Variants in AHCYL2 observed in about 807,000 individuals in gnomAD.
AHCYL2 encodes the protein S-adenosylhomocysteine hydrolase-like protein 2.
A neutral mutation model predicts 81.4 loss-of-function variants in AHCYL2; 28 were observed. The observed-to-expected ratio is 0.34, with a 90% CI of 0.25 to 0.47. The LOEUF is 0.47. AHCYL2 is among the 20% of genes least tolerant of loss of function. The probability of loss-of-function intolerance (pLI) is 1.00; values close to 1 mark genes in which losing one functional copy is unlikely to be tolerated. For synonymous variants in AHCYL2, 272 were observed against 290.2 expected, an observed-to-expected ratio of 0.94 and a Z score of 0.64; for missense variants, 551 against 785.1, an observed-to-expected ratio of 0.70 and a Z score of 3.56.
rs116892104 is a variant in AHCYL2, at chr7:129,387,420, C to T, written c.476-1636C>T. On this transcript the variant is annotated intron_variant, in intron 2 of 16. Transcript: ENST00000325006. Reference sequence around the variant, plus strand: ...ATACACCCAAAAACAGAGACTGAGACTTAAACCAAAGACTGACTCCAGAAC... The same window carrying T: ...ATACACCCAAAAACAGAGACTGAGATTTAAACCAAAGACTGACTCCAGAAC... Among the ~76,000 whole-genome samples the T allele has an allele frequency of 9.2e-3, 1,396 of 152,328 alleles. 14 individuals are homozygous for T. The highest frequency in any genetic ancestry group is 0.016 in the Non-Finnish European group (1,066 of 68,026).
intron 1 of AHCYL2, among the ~76,000 whole-genome samples, chr7:129,256,635 TTATG>T (rs1288048893): frequency 6.7e-6 from 1 of 149,716 alleles, no homozygotes; most frequent in Admixed American, 6.8e-5. Context: ...GTACCATAAT[TTATG>T]TAACCAGTTT....
intron 1 of AHCYL2, among the ~76,000 whole-genome samples, chr7:129,262,218 G>A (rs191154125): frequency 3.3e-5 from 5 of 152,270 alleles, no homozygotes; most frequent in Admixed American, 3.3e-4. Context: ...AGCAAGAGCC[G>A]CTGGCCAGGA....
At chr7:129,247,374 ATGAC>A (rs1795098797) in intron 1 of AHCYL2, among the ~76,000 whole-genome samples, 1 of 152,224 alleles carries the variant, frequency 6.6e-6, no homozygotes, top group Non-Finnish European at 1.5e-5. Context: ...TTTTGCTAAA[ATGAC>A]TGTTTACATC....
chr7:129,357,264 G>T (rs1017710928), intron 1 of AHCYL2, among the ~76,000 whole-genome samples: 1 of 152,138 alleles, frequency 6.6e-6, no homozygotes, highest in Non-Finnish European at 1.5e-5. Flanking sequence ...TTAGTTAATA[G>T]TTAATAGTAT....
intron 1 of AHCYL2, among the ~76,000 whole-genome samples, chr7:129,375,230 T>C (rs575717878): frequency 5.1e-4 from 78 of 152,148 alleles, no homozygotes; most frequent in Non-Finnish European, 2.9e-5. Context: ...ACTGAGAAAA[T>C]TGATTTCCTT....
intron 1 of AHCYL2, among the ~76,000 whole-genome samples, chr7:129,305,547 C>G (rs1797410353): frequency 6.6e-6 from 1 of 151,980 alleles, no homozygotes; most frequent in Non-Finnish European, 1.5e-5. Context: ...CTATTTATAT[C>G]TTATTGTACT....
In AHCYL2 at chr7:129,263,601, A is replaced by G. The variant is rs116868236; in HGVS notation, c.363+38162A>G. Among the ~76,000 whole-genome samples, 767 of 152,306 alleles carry G rather than the reference A, an allele frequency of 5.0e-3. 5 individuals carry two copies. The highest frequency in any genetic ancestry group is 9.4e-3 in the Non-Finnish European group (641 of 68,020). On this transcript the variant is annotated intron_variant, in intron 1 of 16. Transcript: ENST00000325006. ...TAGGCAGAGAAACGAGAGACAAGAA[A>G]ATGTCCTGGCAGCTTTAATTTGTTT... is the stretch of plus-strand genomic sequence containing the variant.
chr7:129,424,912 A>C lies in AHCYL2; in HGVS notation c.1599A>C (p.Thr533=). Residue 533 remains threonine (T), a synonymous_variant, in exon 14 of 17, where the codon ACA becomes ACC. Coordinates refer to ENST00000325006, the MANE Select transcript of AHCYL2 (RefSeq NM_015328.4). ...LLNLSCSTVP[T]FVLSITATTQ... ...ACCTTAGCTGCTCCACAGTGCCTAC[A>C]TTTGTGCTCTCAATCACTGCTACTA... The C allele has an allele frequency of 6.2e-7, 1 of 1,613,626 alleles. No homozygotes were observed. Among genetic ancestry groups the C allele is most frequent in the Non-Finnish European group, 8.5e-7 (1 of 1,179,994 alleles).
intron 1 of AHCYL2, among the ~76,000 whole-genome samples, chr7:129,246,476 A>C (rs1795061788): frequency 6.6e-6 from 1 of 152,076 alleles, no homozygotes; most frequent in Non-Finnish European, 1.5e-5. Context: ...GCCCCAGGTA[A>C]CTACTGATCA....
chr7:129,340,064 G>A (rs1419216499), intron 1 of AHCYL2, among the ~76,000 whole-genome samples: 3 of 150,526 alleles, frequency 2.0e-5, no homozygotes, highest in South Asian at 2.1e-4. Context: ...GACTACAGGC[G>A]CACTCCGCCA....
intron 1 of AHCYL2, among the ~76,000 whole-genome samples, chr7:129,269,982 T>G (rs1563174269): frequency 6.6e-6 from 1 of 152,236 alleles, no homozygotes; most frequent in Non-Finnish European, 1.5e-5. Context: ...ACTTTCTAGC[T>G]AAAGTGTTTA....
intron 11 of AHCYL2, chr7:129,409,984 T>G (rs560749963): frequency 1.6e-6 from 1 of 624,018 alleles, no homozygotes; most frequent in African/African-American, 1.9e-5. Flanking sequence ...AGTAATCTCA[T>G]GCAGAAGATT....
In AHCYL2 at chr7:129,370,440, T is replaced by TA. The variant is rs1156394919; in HGVS notation, c.364-9196dup. Among the ~76,000 whole-genome samples, 12 of 152,284 alleles carry TA rather than the reference T, an allele frequency of 7.9e-5. 1 individual carries two copies. Among genetic ancestry groups the TA allele is most frequent in the African/African-American group, 2.9e-4 (12 of 41,562 alleles). On this transcript the variant is annotated intron_variant, in intron 1 of 16. Coordinates refer to ENST00000325006, the MANE Select transcript of AHCYL2 (RefSeq NM_015328.4). ...AGCCGGGTGCGGTGGCTCACGCCTG[T>TA]AATCCCAGCACTTTGGGGGAGGCCA...
At position 129,281,689 on chromosome 7, in the gene AHCYL2, G is replaced by A. The variant is rs185565536; in HGVS notation, c.363+56250G>A. ...ATTTTTGCATTTTTTGTAGAGATAGGGTTTTGCCATGTTGCCCGGGCTGGT... is the reference window on the plus strand; with the variant it reads ...ATTTTTGCATTTTTTGTAGAGATAGAGTTTTGCCATGTTGCCCGGGCTGGT... On this transcript the variant is annotated intron_variant, in intron 1 of 16. Coordinates refer to ENST00000325006, the MANE Select transcript of AHCYL2 (RefSeq NM_015328.4). Among the ~76,000 whole-genome samples the A allele has an allele frequency of 2.2e-3, 327 of 151,722 alleles. 7 individuals carry two copies. Among genetic ancestry groups the A allele is most frequent in the Non-Finnish European group, 1.2e-3 (79 of 67,908 alleles).
intron 1 of AHCYL2, among the ~76,000 whole-genome samples, chr7:129,362,042 CAG>C (rs1793947258): frequency 6.6e-6 from 1 of 152,110 alleles, no homozygotes; most frequent in African/African-American, 2.4e-5. Context: ...TCAAACCAGG[CAG>C]TTGAGTACTA....
rs543476827 is a variant in AHCYL2 at position 129,334,444 on chromosome 7, G to C, written c.364-45194G>C. ...CTTCCTAACTCCTAGTTAGAGCTTT[G>C]TTAGAAAATTGTTAGACATGCAGAT... On this transcript the variant is annotated intron_variant, in intron 1 of 16. Coordinates refer to ENST00000325006, the MANE Select transcript of AHCYL2 (RefSeq NM_015328.4). 3.3e-5 allele frequency among the ~76,000 whole-genome samples: 5 copies of C among 152,238 alleles called. No individual in the cohort carries two copies. In the East Asian group the frequency reaches 9.6e-4, roughly 29 times the overall value.
At chr7:129,362,448 G>A (rs1182680297) in intron 1 of AHCYL2, among the ~76,000 whole-genome samples, 1 of 152,162 alleles carries the variant, frequency 6.6e-6, no homozygotes, top group East Asian at 1.9e-4. Flanking sequence ...GGCATTTTGA[G>A]TTTGAAGGAG....
chr7:129,375,462 C>T (rs988668584), intron 1 of AHCYL2, among the ~76,000 whole-genome samples: 1 of 152,056 alleles, frequency 6.6e-6, no homozygotes, highest in African/African-American at 2.4e-5. Context: ...TGAAAAGGAA[C>T]CTAATTAGCA....
chr7:129,372,083 A>G (rs1395519655), intron 1 of AHCYL2, among the ~76,000 whole-genome samples: 1 of 152,156 alleles, frequency 6.6e-6, no homozygotes, highest in Non-Finnish European at 1.5e-5. Flanking sequence ...AAAACACAAA[A>G]TTTTGCATAC....
Sources: gnomAD v4.1 joint callset for allele counts (sites outside exome capture counted in the v4.1 genomes callset) on GRCh38, gnomAD v4.1.1 for gene constraint, MANE v1.5 for transcripts, NCBI Gene and HGNC (gene_info 2026-07-23, HGNC 2026-07-21) for gene names.